The following ADGRV1 variants were observed in gnomAD, a reference collection of about 807,000 sequenced individuals.
The protein encoded by ADGRV1 is adhesion G protein-coupled receptor V1.
In ADGRV1, 359 loss-of-function variants were observed where a neutral mutation model predicts 596.2. The ratio of observed to expected loss-of-function variants is 0.60; its 90% CI spans 0.55 to 0.66. The LOEUF is 0.66. ADGRV1 is among the 30% of genes least tolerant of loss of function. ADGRV1 has a pLI of 0.00. For synonymous variants in ADGRV1, 2,681 were observed against 2,679.2 expected (o/e 1.00, Z -0.02); for missense variants, 7,274 against 7,575.6 (o/e 0.96, Z 1.48).
chr5:90,969,963 T>C (rs1019171173), intron 84 of ADGRV1, among the ~76,000 whole-genome samples: 2 of 152,184 alleles, frequency 1.3e-5, no homozygotes, highest in African/African-American at 4.8e-5. Flanking sequence ...ATCAGGGAAT[T>C]CCCTTTCCTA....
intron 85 of ADGRV1, among the ~76,000 whole-genome samples, chr5:91,018,064 G>T (rs902411851): frequency 6.6e-6 from 1 of 151,834 alleles, no homozygotes; most frequent in African/African-American, 2.4e-5. Context: ...GTACATGCTG[G>T]ATCTTCTATA....
chr5:90,666,956 T>C (rs1301221730), intron 21 of ADGRV1, among the ~76,000 whole-genome samples: 2 of 152,120 alleles, frequency 1.3e-5, no homozygotes, highest in Non-Finnish European at 2.9e-5. Context: ...TCTTCTGGCT[T>C]GTAGGGTTTC....
intron 79 of ADGRV1, among the ~76,000 whole-genome samples, chr5:90,849,666 A>G (rs1326414510): frequency 1.3e-5 from 2 of 152,218 alleles, no homozygotes; most frequent in African/African-American, 2.4e-5. Context: ...CTGGGATTAC[A>G]AGCGTGAGCC....
At chr5:90,768,632 A>G (rs1463726636) in intron 59 of ADGRV1, among the ~76,000 whole-genome samples, 2 of 152,186 alleles carry the variant, frequency 1.3e-5, no homozygotes, top group African/African-American at 4.8e-5. Context: ...AATTCTCACA[A>G]TAATTCTGTT....
intron 9 of ADGRV1, chr5:90,630,567 A>G (rs1294786759): frequency 6.6e-6 from 1 of 152,202 alleles, no homozygotes; most frequent in Non-Finnish European, 1.5e-5. Flanking sequence ...TTATTAAATT[A>G]TGTAAATCAA....
intron 25 of ADGRV1, among the ~76,000 whole-genome samples, chr5:90,679,193 G>A (rs564822516): frequency 6.6e-6 from 1 of 152,060 alleles, no homozygotes; most frequent in Non-Finnish European, 1.5e-5. Context: ...AGGCCTAAGT[G>A]TATGATTATA....
At chr5:91,009,805 A>G (rs936099981) in intron 85 of ADGRV1, among the ~76,000 whole-genome samples, 16 of 152,130 alleles carry the variant, frequency 1.1e-4, no homozygotes, top group African/African-American at 3.6e-4. Context: ...AAAACATTCT[A>G]TCACAGCCCT....
chr5:90,563,180 A>T (rs1403644743), intron 1 of ADGRV1, among the ~76,000 whole-genome samples: 8 of 152,302 alleles, frequency 5.3e-5, no homozygotes, highest in African/African-American at 1.7e-4. Context: ...GTGGAGTAAA[A>T]ATGCATTTCA....
At chr5:90,986,727 G>T (rs763136185) in intron 85 of ADGRV1, among the ~76,000 whole-genome samples, 4 of 151,910 alleles carry the variant, frequency 2.6e-5, no homozygotes, top group African/African-American at 9.7e-5. Flanking sequence ...TTCTAAAAAG[G>T]AACGATGGCA....
chr5:90,772,211 A>C (rs920191709), intron 59 of ADGRV1, among the ~76,000 whole-genome samples: 5 of 152,340 alleles, frequency 3.3e-5, no homozygotes, highest in Admixed American at 2.6e-4. Flanking sequence ...GTGTATTTGC[A>C]ACCTCCAAAG....
chr5:90,658,618 T>G (rs1769765732), intron 21 of ADGRV1, among the ~76,000 whole-genome samples: 1 of 152,150 alleles, frequency 6.6e-6, no homozygotes, highest in African/African-American at 2.4e-5. Context: ...TGAAATAATA[T>G]ATATTGAAGG....
At chr5:91,002,195 C>T (rs964617615) in intron 85 of ADGRV1, among the ~76,000 whole-genome samples, 72 of 152,066 alleles carry the variant, frequency 4.7e-4, no homozygotes, top group African/African-American at 1.5e-3. Flanking sequence ...AGTCCACAGA[C>T]GCGGTGTGTT....
intron 87 of ADGRV1, among the ~76,000 whole-genome samples, chr5:91,104,860 C>CTTTTT (rs60957930): frequency 3.4e-4 from 43 of 125,972 alleles, no homozygotes; most frequent in East Asian, 2.1e-3. Context: ...CTTTTCTTTT[C>CTTTTT]TTTTTTTTTT....
At position 90,690,036 on chromosome 5, in the gene ADGRV1, C is replaced by T. The variant is rs766685090; in HGVS notation, c.6666C>T (p.Val2222=). 5 of 1,589,790 alleles carry T rather than the reference C, an allele frequency of 3.1e-6. No homozygotes were observed. Among genetic ancestry groups the T allele is most frequent in the Non-Finnish European group, 4.3e-6 (5 of 1,166,538 alleles). Residue 2222 remains valine (V), a synonymous_variant, in exon 30 of 90, where the codon GTC becomes GTT. Coordinates refer to ENST00000405460, the MANE Select transcript of ADGRV1 (RefSeq NM_032119.4). The stretch of plus-strand genomic sequence containing the variant: ...GACTAGGGGCTTTAACAGAGGCAGT[C>T]ATTATTATTGAGGCCTCTGATGACC... The part of the protein sequence containing the change: ...GARLGALTEA[V]IIIEASDDPY...
At chr5:90,996,026 A>G (rs1036907775) in intron 85 of ADGRV1, among the ~76,000 whole-genome samples, 1 of 152,232 alleles carries the variant, frequency 6.6e-6, no homozygotes, top group African/African-American at 2.4e-5. Flanking sequence ...TTAAAAGGGA[A>G]GCAAAGCATA....
At chr5:90,953,782 A>G in intron 83 of ADGRV1, among the ~76,000 whole-genome samples, 1 of 152,126 alleles carries the variant, frequency 6.6e-6, no homozygotes, top group East Asian at 1.9e-4. Flanking sequence ...TAATTGTTAT[A>G]ATTTTCTTGC....
chr5:90,577,782 T>A (rs1230661988), intron 1 of ADGRV1, among the ~76,000 whole-genome samples: 1 of 152,232 alleles, frequency 6.6e-6, no homozygotes, highest in African/African-American at 2.4e-5. Context: ...TTGTGTCCTC[T>A]TTTATTTCGT....
chr5:90,649,184 A>G (rs1306256247), intron 17 of ADGRV1, among the ~76,000 whole-genome samples: 1 of 151,854 alleles, frequency 6.6e-6, no homozygotes, highest in East Asian at 1.9e-4. Context: ...TTTTATTTTT[A>G]GTAGAGACAG....
At chr5:90,831,912 T>A (rs1282522933) in intron 77 of ADGRV1, among the ~76,000 whole-genome samples, 2 of 152,234 alleles carry the variant, frequency 1.3e-5, no homozygotes, top group Non-Finnish European at 2.9e-5. Flanking sequence ...AGGATCTCAT[T>A]CTTTTTAATG....
Sources: allele counts gnomAD v4.1 joint callset (sites outside exome capture counted in the v4.1 genomes callset), GRCh38; gene constraint gnomAD v4.1.1; transcripts MANE v1.5; gene names NCBI Gene and HGNC (gene_info 2026-07-23, HGNC 2026-07-21).